The following TCF12 variants were observed in gnomAD, a reference collection of about 807,000 sequenced individuals.
TCF12 encodes the protein DNA-binding protein HTF4.
TCF12 carries 45 observed loss-of-function variants against 86.0 expected under a neutral mutation model. That is an observed-to-expected ratio of 0.52 (90% confidence interval 0.41 to 0.67). The LOEUF is 0.67. Ranked by LOEUF, TCF12 falls within the 30% of genes least tolerant of loss-of-function variation. The probability of loss-of-function intolerance (pLI) is 0.00; values close to 1 mark genes in which losing one functional copy is unlikely to be tolerated. For synonymous variants in TCF12, 330 were observed against 299.6 expected, an observed-to-expected ratio of 1.10 and a Z score of -1.05; for missense variants, 881 against 859.9, an observed-to-expected ratio of 1.02 and a Z score of -0.31.
upstream of TCF12, chr15:56,918,350 C>G: frequency 2.3e-6 from 1 of 435,576 alleles, no homozygotes; most frequent in South Asian, 1.6e-5. Flanking sequence ...CGCGAGGAGG[C>G]GCCACGGTAC....
intron 3 of TCF12, among the ~76,000 whole-genome samples, chr15:56,984,240 C>T (rs968920174): frequency 4.9e-5 from 6 of 122,672 alleles, no homozygotes; most frequent in Non-Finnish European, 1.0e-4. Context: ...TTAGGAAAAG[C>T]ATGTGCATGG....
chr15:57,256,576 T>G (rs1246757796), intron 16 of TCF12, among the ~76,000 whole-genome samples: 1 of 82,096 alleles, frequency 1.2e-5, no homozygotes, highest in African/African-American at 4.1e-5. Flanking sequence ...CCCCACCTTG[T>G]TTTTGGTCTC....
chr15:57,059,429 C>G (rs1267694581), intron 3 of TCF12, among the ~76,000 whole-genome samples: 1 of 152,074 alleles, frequency 6.6e-6, no homozygotes, highest in African/African-American at 2.4e-5. Context: ...CTCCCTGTTT[C>G]ATCCTTTCAT....
At chr15:56,947,026 G>A (rs1191775819) in intron 3 of TCF12, among the ~76,000 whole-genome samples, 3 of 152,046 alleles carry the variant, frequency 2.0e-5, no homozygotes, top group Admixed American at 1.3e-4. Context: ...TTGAACTCCT[G>A]ACCTCAAGTG....
chr15:56,945,797 G>A (rs375237045), intron 3 of TCF12, among the ~76,000 whole-genome samples: 3 of 152,278 alleles, frequency 2.0e-5, no homozygotes. Context: ...GAAGTGATTA[G>A]GCTGTGAGGG....
chr15:57,195,559 A>C (rs1176383824), intron 7 of TCF12, among the ~76,000 whole-genome samples: 8 of 152,202 alleles, frequency 5.3e-5, no homozygotes, highest in Non-Finnish European at 8.8e-5. Flanking sequence ...TTTTAAGGAA[A>C]TATAGGCTTG....
At chr15:57,206,732 T>G (rs1477724101) in intron 8 of TCF12, among the ~76,000 whole-genome samples, 1 of 149,710 alleles carries the variant, frequency 6.7e-6, no homozygotes, top group Non-Finnish European at 1.5e-5. Context: ...AGGTGGAGAG[T>G]TTATTGTATT....
chr15:56,982,130 T>C (rs1259043769), intron 3 of TCF12, among the ~76,000 whole-genome samples: 1 of 152,206 alleles, frequency 6.6e-6, no homozygotes, highest in Non-Finnish European at 1.5e-5. Context: ...ATTTATTGAC[T>C]GTCTACAAAG....
intron 3 of TCF12, among the ~76,000 whole-genome samples, chr15:57,048,422 C>T (rs1056879464): frequency 7.9e-5 from 12 of 152,056 alleles, no homozygotes; most frequent in Non-Finnish European, 1.6e-4. Flanking sequence ...CCACCACGCC[C>T]GGCTAATTTT....
intron 3 of TCF12, among the ~76,000 whole-genome samples, chr15:56,980,416 C>T (rs1040494523): frequency 1.3e-5 from 2 of 152,124 alleles, no homozygotes; most frequent in South Asian, 2.1e-4. Context: ...GTGTAAGAAT[C>T]CGGGCAGTGT....
At chr15:57,158,234 G>C (rs2054261242) in intron 5 of TCF12, among the ~76,000 whole-genome samples, 1 of 143,514 alleles carries the variant, frequency 7.0e-6, no homozygotes, top group Non-Finnish European at 1.5e-5. Context: ...TGTTGCTTAG[G>C]CTGGAATTCA....
intron 5 of TCF12, among the ~76,000 whole-genome samples, chr15:57,128,785 A>G (rs2051874836): frequency 6.6e-6 from 1 of 152,172 alleles, no homozygotes; most frequent in Non-Finnish European, 1.5e-5. Flanking sequence ...GAAACACATA[A>G]TATGTGGTCT....
At chr15:57,029,805 T>A (rs1414325237) in intron 3 of TCF12, among the ~76,000 whole-genome samples, 5 of 121,172 alleles carry the variant, frequency 4.1e-5, no homozygotes, top group African/African-American at 1.6e-4. Context: ...TGTTGGAGAC[T>A]GCGTATAAAT....
At chr15:57,089,632 A>G (rs1431903467) in intron 4 of TCF12, among the ~76,000 whole-genome samples, 2 of 151,418 alleles carry the variant, frequency 1.3e-5, no homozygotes, top group African/African-American at 4.9e-5. Context: ...TTTGTTGTTC[A>G]AGAATGAAGA....
chr15:57,162,941 C>T (rs955273610), intron 5 of TCF12, among the ~76,000 whole-genome samples: 5 of 151,818 alleles, frequency 3.3e-5, no homozygotes, highest in East Asian at 1.9e-4. Flanking sequence ...TTTGAGAGGC[C>T]GAGGTGGGCA....
chr15:57,149,819 G>A (rs2053614449), intron 5 of TCF12, among the ~76,000 whole-genome samples: 1 of 152,118 alleles, frequency 6.6e-6, no homozygotes, highest in Non-Finnish European at 1.5e-5. Flanking sequence ...GTCAAGTTTT[G>A]TTATGTTCTA....
intron 3 of TCF12, among the ~76,000 whole-genome samples, chr15:56,975,955 T>A (rs2062573199): frequency 6.6e-6 from 1 of 151,376 alleles, no homozygotes; most frequent in African/African-American, 2.4e-5. Flanking sequence ...AGGGTCCAAT[T>A]TGAAAAACTA....
intron 3 of TCF12, among the ~76,000 whole-genome samples, chr15:56,932,618 G>C (rs2060297731): frequency 6.6e-6 from 1 of 151,854 alleles, no homozygotes; most frequent in African/African-American, 2.4e-5. Flanking sequence ...GCCCAGGCTG[G>C]AGTGCAATGG....
At chr15:56,926,669 C>A (rs536525848) in intron 3 of TCF12, among the ~76,000 whole-genome samples, 21 of 152,156 alleles carry the variant, frequency 1.4e-4, no homozygotes, top group Non-Finnish European at 2.8e-4. Context: ...CTCCTTAATT[C>A]CTGGGGGAGC....
Sources: allele counts gnomAD v4.1 joint callset (sites outside exome capture counted in the v4.1 genomes callset), GRCh38; gene constraint gnomAD v4.1.1; transcripts MANE v1.5; gene names NCBI Gene and HGNC (gene_info 2026-07-23, HGNC 2026-07-21).